CPA3: variants seen among roughly 807,000 people sequenced by gnomAD.
The protein encoded by CPA3 is mast cell carboxypeptidase A.
A neutral mutation model predicts 55.8 loss-of-function variants in CPA3; 52 were observed. The ratio of observed to expected loss-of-function variants is 0.93; its 90% CI spans 0.75 to 1.17. The LOEUF (loss-of-function observed/expected upper bound fraction) is 1.17. Ranked by LOEUF, CPA3 falls within the 50% of genes most tolerant of loss-of-function variation. The pLI is 0.00. For missense variants in CPA3, 547 were observed against 509.1 expected (o/e 1.07, Z -0.72); for synonymous variants, 179 against 171.2 (o/e 1.05, Z -0.36).
At chr3:148,879,532 T>A (rs1714301624) in intron 5 of CPA3, among the ~76,000 whole-genome samples, 1 of 152,250 alleles carries the variant, frequency 6.6e-6, no homozygotes, top group Admixed American at 6.5e-5. Context: ...TACAAATTTT[T>A]TTCAAAATCC....
chr3:148,885,861 T>C (rs1267099198), intron 9 of CPA3, among the ~76,000 whole-genome samples: 1 of 152,210 alleles, frequency 6.6e-6, no homozygotes, highest in Non-Finnish European at 1.5e-5. Context: ...GTATGGGCTT[T>C]GGTTTTGTTA....
At chr3:148,890,637 A>C (rs1317098409) in intron 10 of CPA3, among the ~76,000 whole-genome samples, 2 of 152,188 alleles carry the variant, frequency 1.3e-5, no homozygotes, top group Non-Finnish European at 2.9e-5. Context: ...TCTTGCTTCT[A>C]ATATAATTTT....
chr3:148,867,915 G>A (rs1713949268), intron 2 of CPA3, among the ~76,000 whole-genome samples: 1 of 152,104 alleles, frequency 6.6e-6, no homozygotes, highest in Admixed American at 6.6e-5. Context: ...TTTTTTCTGA[G>A]ACAGAGTTTT....
chr3:148,871,218 C>T (rs1166184243), intron 3 of CPA3, among the ~76,000 whole-genome samples: 3 of 152,120 alleles, frequency 2.0e-5, no homozygotes, highest in Non-Finnish European at 4.4e-5. Context: ...AGTATATGTG[C>T]CTAAATTATT....
chr3:148,868,616 T>C (rs1713971854), intron 2 of CPA3, among the ~76,000 whole-genome samples: 1 of 151,904 alleles, frequency 6.6e-6, no homozygotes, highest in Non-Finnish European at 1.5e-5. Flanking sequence ...AATCCCAAAA[T>C]TGTGGAAGAA....
At position 148,896,569 on chromosome 3, in the gene CPA3, A is replaced by C. The variant is rs761488997; in HGVS notation, c.1116A>C (p.Lys372Asn). ...ACTGGGCTTATGACCTGGGCATCAAACACACATTTGCCTTTGAGCTCCGAG... is the reference window on the plus strand; with the variant it reads ...ACTGGGCTTATGACCTGGGCATCAACCACACATTTGCCTTTGAGCTCCGAG... ...SLDWAYDLGI[K>N]HTFAFELRDK... Residue 372 changes from lysine to asparagine, a missense_variant, in exon 11 of 11, where the codon AAA becomes AAC. By Grantham distance (94) the Lys-to-Asn change is moderately conservative. Coordinates refer to ENST00000296046, the MANE Select transcript of CPA3 (RefSeq NM_001870.4). 25 of 1,570,378 alleles carry C rather than the reference A, an allele frequency of 1.6e-5. No individual in the cohort carries two copies. Among genetic ancestry groups the C allele is most frequent in the Non-Finnish European group, 2.1e-5 (24 of 1,147,088 alleles).
rs1399929155 is a variant in CPA3, at chr3:148,883,659, T to C, written c.825T>C (p.Ser275=). The C allele has an allele frequency of 1.2e-6, 2 of 1,614,144 alleles. No individual in the cohort carries two copies. Among genetic ancestry groups the C allele is most frequent in the South Asian group, 2.2e-5 (2 of 91,090 alleles). Residue 275 remains serine, a synonymous_variant, in exon 9 of 11, where the codon TCT becomes TCC. Coordinates refer to ENST00000296046, the MANE Select transcript of CPA3 (RefSeq NM_001870.4). Reference sequence around the variant, plus strand: ...CATGTGCAGATAACTATCGGGGCTCTGCACCAGAGTCCGAGAAAGAGACGA... The same window carrying C: ...CATGTGCAGATAACTATCGGGGCTCCGCACCAGAGTCCGAGAAAGAGACGA... ...NDPCADNYRG[S]APESEKETKA...
intron 3 of CPA3, among the ~76,000 whole-genome samples, chr3:148,875,807 G>A (rs918647672): frequency 3.3e-5 from 5 of 151,938 alleles, no homozygotes; most frequent in Non-Finnish European, 5.9e-5. Flanking sequence ...ATACATCAAC[G>A]GACAATAATT....
At chr3:148,878,238 C>A (rs529773704) in intron 3 of CPA3, among the ~76,000 whole-genome samples, 64 of 152,240 alleles carry the variant, frequency 4.2e-4, no homozygotes, top group African/African-American at 1.5e-3. Context: ...TCACACTGGA[C>A]AGCACAGCTC....
At chr3:148,867,827 T>A (rs1182120338) in intron 2 of CPA3, among the ~76,000 whole-genome samples, 2 of 152,206 alleles carry the variant, frequency 1.3e-5, no homozygotes, top group African/African-American at 2.4e-5. Flanking sequence ...TTCATTTAGT[T>A]TCACAATTGA....
chr3:148,865,447 T>A (rs768028360), intron 1 of CPA3, 26 bp from the exon 2 acceptor site: 56 of 1,612,956 alleles, frequency 3.5e-5, no homozygotes, highest in Non-Finnish European at 2.0e-5. Flanking sequence ...CAGTTCACTT[T>A]TTTTTTTTCA....
chr3:148,881,923 A>G (rs1419988540), intron 7 of CPA3, among the ~76,000 whole-genome samples: 1 of 152,230 alleles, frequency 6.6e-6, no homozygotes, highest in African/African-American at 2.4e-5. Flanking sequence ...AGCTAAGAAT[A>G]AAGCCAATTA....
At chr3:148,881,796 T>C (rs137975936) in intron 7 of CPA3, among the ~76,000 whole-genome samples, 164 bp downstream of exon 7, 192 of 152,350 alleles carry the variant, frequency 1.3e-3, no homozygotes, top group African/African-American at 4.2e-3. Flanking sequence ...CTTGGTTGCA[T>C]AGGTATCCTT....
At chr3:148,875,351 G>A (rs1656133788) in intron 3 of CPA3, among the ~76,000 whole-genome samples, 1 of 152,046 alleles carries the variant, frequency 6.6e-6, no homozygotes, top group Non-Finnish European at 1.5e-5. Context: ...AGATAAGTAC[G>A]ACTTCAAGAA....
Position 148,869,012 on chromosome 3 carries a change from C to G in CPA3, c.242C>G (p.Ala81Gly), listed in dbSNP as rs780164300. The change falls in exon 3 of 11, where the codon GCC becomes GGC. Residue 81 changes from alanine (A) to glycine (G), a missense_variant. By Grantham distance (60) the Ala-to-Gly change is moderately conservative (BLOSUM62 0). Transcript: ENST00000296046. ...AAGGAATCCCAAGCCATCCAGTCTG[C>G]CTTGGATCAAAATAAAATGCACTAT... ...SEKESQAIQS[A>G]LDQNKMHYEI... 2.5e-6 allele frequency: 4 copies of G among 1,613,766 alleles called. No homozygotes were observed. The highest frequency in any genetic ancestry group is 3.4e-6 in the Non-Finnish European group (4 of 1,179,900).
chr3:148,886,552 A>G (rs2108037640), intron 10 of CPA3, among the ~76,000 whole-genome samples: 1 of 152,068 alleles, frequency 6.6e-6, no homozygotes, highest in East Asian at 1.9e-4. Flanking sequence ...AAAATTAGCC[A>G]GGCATGGTGA....
intron 2 of CPA3, 21 bp downstream of exon 2, chr3:148,865,569 T>A (rs1327927000): frequency 6.2e-7 from 1 of 1,600,270 alleles, no homozygotes; most frequent in East Asian, 2.2e-5. Context: ...AGAGGGATAT[T>A]TTATCTTTTC....
Position 148,878,434 on chromosome 3 carries a change from C to G in CPA3, c.270-7C>G. Reference sequence around the variant, plus strand: ...AACATGTATTTTATCATTCCCCTGTCAAACAGAATCTTGATTCATGATCTA... The same window carrying G: ...AACATGTATTTTATCATTCCCCTGTGAAACAGAATCTTGATTCATGATCTA... On this transcript the variant is annotated splice_region_variant and splice_polypyrimidine_tract_variant and intron_variant, in intron 3 of 10. Coordinates refer to ENST00000296046, the MANE Select transcript of CPA3 (RefSeq NM_001870.4). The G allele has an allele frequency of 1.9e-6, 3 of 1,573,884 alleles. No homozygotes were observed. Among genetic ancestry groups the G allele is most frequent in the Non-Finnish European group, 2.6e-6 (3 of 1,143,716 alleles).
chr3:148,881,197 A>G (rs1343392407), intron 6 of CPA3, among the ~76,000 whole-genome samples: 4 of 152,218 alleles, frequency 2.6e-5, no homozygotes, highest in Non-Finnish European at 5.9e-5. Flanking sequence ...TCAATTAAAA[A>G]TAAGTTGTAT....
Sources: allele counts gnomAD v4.1 joint callset (sites outside exome capture counted in the v4.1 genomes callset), GRCh38; gene constraint gnomAD v4.1.1; transcripts MANE v1.5; gene names NCBI Gene and HGNC (gene_info 2026-07-23, HGNC 2026-07-21).